DPH6: variants seen among roughly 807,000 people sequenced by gnomAD.
The protein encoded by DPH6 is diphthine--ammonia ligase.
A neutral mutation model predicts 38.2 loss-of-function variants in DPH6; 33 were observed. The observed-to-expected ratio is 0.86, with a 90% CI of 0.65 to 1.15. The LOEUF (loss-of-function observed/expected upper bound fraction) is 1.15. Among genes scored for constraint, DPH6 ranks in the 50% most tolerant of loss-of-function variants. The pLI is 0.00. For synonymous variants in DPH6, 108 were observed against 103.0 expected, an observed-to-expected ratio of 1.05 and a Z score of -0.30; for missense variants, 325 against 320.0, an observed-to-expected ratio of 1.02 and a Z score of -0.12.
intron 3 of DPH6, among the ~76,000 whole-genome samples, chr15:35,230,338 C>T (rs1322710564): frequency 2.0e-5 from 3 of 152,200 alleles, no homozygotes; most frequent in African/African-American, 7.2e-5. Context: ...CAGACTACCA[C>T]CAATGTTCCC....
chr15:35,240,862 A>C (rs2051592908), intron 3 of DPH6, among the ~76,000 whole-genome samples: 1 of 142,864 alleles, frequency 7.0e-6, no homozygotes, highest in African/African-American at 2.5e-5. Flanking sequence ...CGGCCCTCAA[A>C]CCCCACAACA....
At chr15:35,146,506 G>T in the DPH6 span, among the ~76,000 whole-genome samples, 3 of 152,050 alleles carry the variant, frequency 2.0e-5, no homozygotes, top group Admixed American at 2.0e-4. Flanking sequence ...TGATGAGAGG[G>T]AGAAGAAAAT....
chr15:35,484,249 C>G (rs1425271291), intron 3 of DPH6, among the ~76,000 whole-genome samples: 1 of 152,172 alleles, frequency 6.6e-6, no homozygotes, highest in Non-Finnish European at 1.5e-5. Flanking sequence ...ATTTTTACAT[C>G]TGAGTATATT....
At chr15:35,336,076 T>C (rs1483938399) in intron 3 of DPH6, among the ~76,000 whole-genome samples, 1 of 152,210 alleles carries the variant, frequency 6.6e-6, no homozygotes, top group East Asian at 1.9e-4. Context: ...CTAGTTCTTC[T>C]TGAAGAGATT....
chr15:35,337,913 G>C (rs1007618155), intron 3 of DPH6, among the ~76,000 whole-genome samples: 27 of 151,268 alleles, frequency 1.8e-4, no homozygotes, highest in Admixed American at 1.3e-4. Context: ...ACAAACCTGA[G>C]AAAAACAAGC....
At chr15:35,168,489 A>C in the DPH6 span, among the ~76,000 whole-genome samples, 7 of 151,962 alleles carry the variant, frequency 4.6e-5, no homozygotes, top group Non-Finnish European at 7.4e-5. Context: ...TTCACCAGAA[A>C]GCAGTTTTTA....
intron 5 of DPH6, among the ~76,000 whole-genome samples, chr15:35,430,451 C>T (rs1439391050): frequency 6.6e-6 from 1 of 150,830 alleles, no homozygotes; most frequent in Non-Finnish European, 1.5e-5. Flanking sequence ...AGCACACAGG[C>T]TCCATTAAAT....
intron 3 of DPH6, among the ~76,000 whole-genome samples, chr15:35,290,356 C>G (rs538403991): frequency 1.2e-4 from 19 of 152,204 alleles, no homozygotes; most frequent in Non-Finnish European, 2.4e-4. Context: ...TGGGCACACC[C>G]TGCACATGCT....
chr15:35,165,741 C>T, the DPH6 span, among the ~76,000 whole-genome samples: 1 of 151,866 alleles, frequency 6.6e-6, no homozygotes, highest in African/African-American at 2.4e-5. Context: ...TCATTGTGAT[C>T]AGTAATTAGA....
chr15:35,545,997 G>A (rs2055346597), intron 1 of DPH6, 122 bp downstream of exon 1: 8 of 920,980 alleles, frequency 8.7e-6, no homozygotes, highest in African/African-American at 1.7e-5. Flanking sequence ...GTGGCTCGGA[G>A]GAGCCGCGGA....
At position 35,380,185 on chromosome 15, in the gene DPH6, G is replaced by C. The variant is rs1178859689; in HGVS notation, c.662+1637C>G. The stretch of plus-strand genomic sequence containing the variant: ...TTTGGTTACAGGAAGAACTCCTACA[G>C]AGCAGGGCAGCAACTTGCAGAGTTC... On this transcript the variant is annotated intron_variant, in intron 7 of 8. Transcript: ENST00000256538. Among the ~76,000 whole-genome samples the C allele has an allele frequency of 2.6e-5, 4 of 152,212 alleles. No individual in the cohort carries two copies. The East Asian group carries it at 5.8e-4, about 22-fold the overall frequency.
At chr15:35,395,358 T>A (rs2140966659) in intron 6 of DPH6, among the ~76,000 whole-genome samples, 1 of 152,330 alleles carries the variant, frequency 6.6e-6, no homozygotes, top group East Asian at 1.9e-4. Flanking sequence ...TGAATACTGC[T>A]GCCAGATTAA....
chr15:35,419,958 C>T (rs2053483611), intron 5 of DPH6, among the ~76,000 whole-genome samples: 2 of 152,126 alleles, frequency 1.3e-5, no homozygotes, highest in African/African-American at 4.8e-5. Flanking sequence ...ATTTACAGAA[C>T]ATTCCTTTCG....
chr15:35,374,683 C>T (rs2052757764), intron 7 of DPH6, among the ~76,000 whole-genome samples: 1 of 152,010 alleles, frequency 6.6e-6, no homozygotes, highest in Admixed American at 6.6e-5. Flanking sequence ...AAAAAGGCTT[C>T]CATGACATTA....
chr15:35,525,527 A>G (rs1006073657), intron 3 of DPH6, among the ~76,000 whole-genome samples: 1 of 152,128 alleles, frequency 6.6e-6, no homozygotes, highest in Non-Finnish European at 1.5e-5. Context: ...GGGACAACTA[A>G]TTATTGAGTA....
chr15:35,304,609 C>G (rs138193150), intron 3 of DPH6, among the ~76,000 whole-genome samples: 1 of 151,970 alleles, frequency 6.6e-6, no homozygotes, highest in Non-Finnish European at 1.5e-5. Context: ...CTATGTGTGT[C>G]GGGAAGGATT....
Position 35,294,891 on chromosome 15 carries a change from T to C in DPH6, n.201-74309A>G, listed in dbSNP as rs181371422. On this transcript the variant is annotated intron_variant and non_coding_transcript_variant, in intron 3 of 3. Transcript: ENST00000560386. ...ATCAAAGAGAAGACAAACAGCTAGT[T>C]AGTCGGGAACAGGATGAGATATGTG... Among the ~76,000 whole-genome samples the C allele has an allele frequency of 2.0e-5, 3 of 152,326 alleles. No individual in the cohort carries two copies. The East Asian group carries it at 5.8e-4, about 29-fold the overall frequency.
At chr15:35,224,288 G>T (rs1413666018) in intron 3 of DPH6, among the ~76,000 whole-genome samples, 1 of 151,786 alleles carries the variant, frequency 6.6e-6, no homozygotes, top group Non-Finnish European at 1.5e-5. Context: ...TGTATTTTTA[G>T]TAGAGACGGG....
intron 3 of DPH6, among the ~76,000 whole-genome samples, chr15:35,221,247 T>C (rs11856756): frequency 0.15 from 23,197 of 152,202 alleles, 2,157 homozygotes; most frequent in South Asian, 0.29. Flanking sequence ...GCAGCAGCTA[T>C]CACAGGTTGA....
Sources: allele counts gnomAD v4.1 joint callset (sites outside exome capture counted in the v4.1 genomes callset), GRCh38; gene constraint gnomAD v4.1.1; transcripts MANE v1.5; gene names NCBI Gene and HGNC (gene_info 2026-07-23, HGNC 2026-07-21).